Variants in LIPE observed in about 807,000 individuals in gnomAD.
LIPE encodes hormone-sensitive lipase.
LIPE carries 66 observed loss-of-function variants against 88.5 expected under a neutral mutation model. The observed-to-expected ratio is 0.75, with a 90% CI of 0.61 to 0.91. The LOEUF is 0.91. Among genes scored for constraint, LIPE ranks in the 40% least tolerant of loss-of-function variants. LIPE has a pLI of 0.00. For missense variants in LIPE, 1,346 were observed against 1,434.7 expected (o/e 0.94, Z 1.00); for synonymous variants, 570 against 617.5 (o/e 0.92, Z 1.14).
At position 42,405,398 on chromosome 19, in the gene LIPE, C is replaced by T. The variant is rs770762145; in HGVS notation, c.2529G>A (p.Ser843=). The T allele has an allele frequency of 4.3e-5, 70 of 1,613,110 alleles. No individual in the cohort carries two copies. The highest frequency in any genetic ancestry group is 5.7e-5 in the Non-Finnish European group (67 of 1,179,918). ...ELSGRKSQKM[S]EPIAEPMRRS... ...TGAATCACTCACCTGCTATGGGCTC[C>T]GACATCTTCTGGGACTTGCGCCCAC... The change falls in exon 8 of 10, where the codon TCG becomes TCA. Residue 843 remains serine (S), a synonymous_variant. Transcript: ENST00000244289.
chr19:42,402,499 C>T, intron 9 of LIPE, 108 bp downstream of exon 9: 1 of 1,009,854 alleles, frequency 9.9e-7, no homozygotes, highest in East Asian at 2.9e-5. Flanking sequence ...TCCCTTTCTC[C>T]CCACTCCGGA....
At chr19:42,418,659 A>G (rs1198541365) in intron 1 of LIPE, among the ~76,000 whole-genome samples, 1 of 152,010 alleles carries the variant, frequency 6.6e-6, no homozygotes, top group East Asian at 1.9e-4. Flanking sequence ...ACAGAAAAAA[A>G]AAAATTAAAA....
In LIPE at chr19:42,410,484, G is replaced by A. The variant is rs779525103; in HGVS notation, c.1242C>T (p.Ala414=). The A allele has an allele frequency of 1.2e-6, 2 of 1,613,976 alleles. No homozygotes were observed. The highest frequency in any genetic ancestry group is 8.5e-7 in the Non-Finnish European group (1 of 1,180,038). Residue 414 remains alanine (A), a synonymous_variant, in exon 2 of 10, where the codon GCC becomes GCT. Coordinates refer to ENST00000244289, the MANE Select transcript of LIPE (RefSeq NM_005357.4). The surrounding 1 kb of genome is among the most constrained non-coding windows in gnomAD (Gnocchi z 6.1). ...RTSHNLAELE[A]YLAALTQLRA... is the part of the protein sequence containing the mutation. Reference sequence around the variant, plus strand: ...GGAGCTGGGTGAGGGCAGCCAGGTAGGCCTCCAGCTCGGCCAGGTTGTGGC... The same window carrying A: ...GGAGCTGGGTGAGGGCAGCCAGGTAAGCCTCCAGCTCGGCCAGGTTGTGGC...
intron 1 of LIPE, among the ~76,000 whole-genome samples, chr19:42,422,009 ATC>A (rs1479433335): frequency 6.6e-6 from 1 of 152,168 alleles, no homozygotes; most frequent in Non-Finnish European, 1.5e-5. Context: ...GATTATTATG[ATC>A]TCTGTTACAG....
At chr19:42,425,440 T>A (rs35348759) in intron 1 of LIPE, among the ~76,000 whole-genome samples, 6,103 of 152,170 alleles carry the variant, frequency 0.04, 181 homozygotes, top group Non-Finnish European at 0.058. Context: ...AATCCTGACT[T>A]TGCCACTTCC....
chr19:42,407,072 G>A lies in LIPE; in HGVS notation c.2137+102C>T. On this transcript the variant is annotated intron_variant, in intron 6 of 9. Transcript: ENST00000244289. The surrounding 1 kb of genome is among the most constrained non-coding windows in gnomAD (Gnocchi z 5.8). The stretch of plus-strand genomic sequence containing the variant: ...GTGAGCAGGAGCTGGGAGGTGTGGG[G>A]GGAGAGAAAGGTAGAGGGTGTGAGG... The A allele has an allele frequency of 9.7e-7, 1 of 1,028,908 alleles. No individual in the cohort carries two copies. Among genetic ancestry groups the A allele is most frequent in the Non-Finnish European group, 1.4e-6 (1 of 728,724 alleles). 63.7% of individuals were successfully genotyped at this position (1,028,908 alleles called of 1,614,324 possible).
Position 42,410,398 on chromosome 19 carries a change from A to G in LIPE, c.1328T>C (p.Phe443Ser). The change falls in exon 2 of 10, where the codon TTT becomes TCT. Residue 443 changes from phenylalanine to serine, a missense_variant. By Grantham distance (155) the Phe-to-Ser change is radical (BLOSUM62 -2). Coordinates refer to ENST00000244289, the MANE Select transcript of LIPE (RefSeq NM_005357.4). The surrounding 1 kb of genome is among the most constrained non-coding windows in gnomAD (Gnocchi z 6.1). The stretch of plus-strand genomic sequence containing the variant: ...GGCGGTGAGCCCCTCGTCGCCCTCA[A>G]AGAAGAGTACCCCCGGCCGATTGGT... ...LVTNRPGVLF[F>S]EGDEGLTADF... The G allele has an allele frequency of 1.2e-6, 2 of 1,614,158 alleles. No individual in the cohort carries two copies. The highest frequency in any genetic ancestry group is 1.7e-6 in the Non-Finnish European group (2 of 1,180,016).
chr19:42,423,792 G>C (rs749569774), intron 1 of LIPE: 51 of 1,109,136 alleles, frequency 4.6e-5, no homozygotes, highest in Non-Finnish European at 5.7e-5. Context: ...GCAACCCCGG[G>C]GGTGGCGAAA....
At position 42,408,089 on chromosome 19, in the gene LIPE, G is replaced by A. The variant is rs756663650; in HGVS notation, c.1543C>T (p.Arg515Cys). The change falls in exon 4 of 10, where the codon CGC becomes TGC. Residue 515 changes from arginine to cysteine, a missense_variant. Arg to Cys is a radical substitution (Grantham distance 180). Coordinates refer to ENST00000244289, the MANE Select transcript of LIPE (RefSeq NM_005357.4). The surrounding 1 kb of genome is among the most constrained non-coding windows in gnomAD (Gnocchi z 4.3). ...CGCAGCTCGGGGTCGATGGCAAAGC[G>A]GCCGCTGGTGAAGAGAGAGCTGGCG... ...VAASSLFTSG[R>C]FAIDPELRGA... is the part of the protein sequence containing the mutation. 1.4e-5 allele frequency: 22 copies of A among 1,613,920 alleles called. No homozygotes were observed. The highest frequency in any genetic ancestry group is 2.7e-5 in the African/African-American group (2 of 75,028).
chr19:42,402,510 GCT>G (rs2040014274), intron 9 of LIPE, 95 bp downstream of exon 9: 1 of 1,110,896 alleles, frequency 9.0e-7, no homozygotes, highest in Non-Finnish European at 1.2e-6. Flanking sequence ...CCACTCCGGA[GCT>G]CTTTTTCCCA....
Position 42,410,763 on chromosome 19 carries a change from G to A in LIPE, c.963C>T (p.Phe321=), listed in dbSNP as rs903973728. ...TTTCCCCAGGACCCTGGCTCGAGAA[G>A]AAGGCTATGTTGTCCTCCGCCAGAG... ...LVTLAEDNIA[F]FSSQGPGETA... Residue 321 remains phenylalanine (F), a synonymous_variant, in exon 2 of 10, where the codon TTC becomes TTT. Transcript: ENST00000244289. The surrounding 1 kb of genome is among the most constrained non-coding windows in gnomAD (Gnocchi z 6.1). 5 of 1,612,792 alleles carry A rather than the reference G, an allele frequency of 3.1e-6. No homozygotes were observed. Among genetic ancestry groups the A allele is most frequent in the Non-Finnish European group, 4.2e-6 (5 of 1,179,174 alleles).
chr19:42,423,816 C>G, intron 1 of LIPE: 1 of 1,114,218 alleles, frequency 9.0e-7, no homozygotes, highest in Non-Finnish European at 1.1e-6. Flanking sequence ...GTCCTTCGGG[C>G]AGGACTAGTG....
intron 1 of LIPE, among the ~76,000 whole-genome samples, chr19:42,425,814 T>C (rs1036873239): frequency 1.3e-5 from 2 of 151,972 alleles, no homozygotes; most frequent in Non-Finnish European, 2.9e-5. Flanking sequence ...TGTTTTTTTC[T>C]TTTTTTGAGA....
At position 42,408,072 on chromosome 19, in the gene LIPE, G is replaced by A. The variant is rs763437290; in HGVS notation, c.1560C>T (p.Pro520=). 26 of 1,613,754 alleles carry A rather than the reference G, an allele frequency of 1.6e-5. No individual in the cohort carries two copies. The highest frequency in any genetic ancestry group is 6.7e-5 in the East Asian group (3 of 44,892). ...LFTSGRFAID[P]ELRGAEFERI... ...GCTCAAACTCAGCCCCACGCAGCTC[G>A]GGGTCGATGGCAAAGCGGCCGCTGG... The change falls in exon 4 of 10, where the codon CCC becomes CCT. Residue 520 remains proline, a synonymous_variant. Transcript: ENST00000244289. This position sits in a 1 kb window ranked among gnomAD's most constrained non-coding sequence, Gnocchi z 4.3.
Position 42,407,236 on chromosome 19 carries a change from G to T in LIPE, c.2075C>A (p.Pro692His). 6.3e-7 allele frequency: 1 copy of T among 1,582,824 alleles called. No homozygotes were observed. The highest frequency in any genetic ancestry group is 2.3e-5 in the East Asian group (1 of 43,476). The change falls in exon 6 of 10, where the codon CCC (proline) becomes CAC (histidine). Residue 692 changes from proline to histidine, a missense_variant. Pro to His is a moderately conservative substitution (Grantham distance 77). Transcript: ENST00000244289. This position sits in a 1 kb window ranked among gnomAD's most constrained non-coding sequence, Gnocchi z 5.8. Reference protein sequence around the residue: ...DYSLAPEAPFPRALEECFFAY... With the variant: ...DYSLAPEAPFHRALEECFFAY... The stretch of plus-strand genomic sequence containing the variant: ...GAAGAAGCACTCCTCCAGCGCACGG[G>T]GGAAGGGGGCCTCAGGGGCCAGGGA...
In LIPE at chr19:42,414,211, T is replaced by C. The variant is rs981903177; in HGVS notation, c.884-3369A>G. 2.6e-5 allele frequency among the ~76,000 whole-genome samples: 4 copies of C among 151,348 alleles called. No homozygotes were observed. Among genetic ancestry groups the C allele is most frequent in the Non-Finnish European group, 4.4e-5 (3 of 67,922 alleles). ...ATCACTTGAACCCAGGAGGCAGAGG[T>C]TGCAGTGAGCTGAGATCACGCCACT... On this transcript the variant is annotated intron_variant, in intron 1 of 9. Transcript: ENST00000244289. The surrounding 1 kb of genome is among the most constrained non-coding windows in gnomAD (Gnocchi z 4.6).
chr19:42,408,325 G>A lies in LIPE; in HGVS notation c.1420-3C>T. ...AATGGCCGGATGGCAGGCGTGAACT[G>A]TGGAGAGACGCGGCTGCGTCACCCA... On this transcript the variant is annotated splice_region_variant and splice_polypyrimidine_tract_variant and intron_variant, in intron 2 of 9. Coordinates refer to ENST00000244289, the MANE Select transcript of LIPE (RefSeq NM_005357.4). This position sits in a 1 kb window ranked among gnomAD's most constrained non-coding sequence, Gnocchi z 4.3. The A allele has an allele frequency of 6.2e-7, 1 of 1,613,406 alleles. No individual in the cohort carries two copies.
In LIPE at chr19:42,405,387, G is replaced by A. The variant is rs1198120841; in HGVS notation, c.2540C>T (p.Ala847Val). The change falls in exon 8 of 10, where the codon GCA becomes GTA. Residue 847 changes from alanine (A) to valine (V), a missense_variant and splice_region_variant. Coordinates refer to ENST00000244289, the MANE Select transcript of LIPE (RefSeq NM_005357.4). Reference protein sequence around the residue: ...RKSQKMSEPIAEPMRRSVSEA... With the variant: ...RKSQKMSEPIVEPMRRSVSEA... Reference sequence around the variant, plus strand: ...TGTGACGGGAGTGAATCACTCACCTGCTATGGGCTCCGACATCTTCTGGGA... The same window carrying A: ...TGTGACGGGAGTGAATCACTCACCTACTATGGGCTCCGACATCTTCTGGGA... 2 of 1,612,612 alleles carry A rather than the reference G, an allele frequency of 1.2e-6. No individual in the cohort carries two copies. The highest frequency in any genetic ancestry group is 1.7e-6 in the Non-Finnish European group (2 of 1,179,802).
Position 42,407,579 on chromosome 19 carries a change from T to TG in LIPE, c.1842+26dup. The TG allele has an allele frequency of 6.3e-7, 1 of 1,591,540 alleles. No homozygotes were observed. On this transcript the variant is annotated intron_variant, in intron 5 of 9. Transcript: ENST00000244289. This position sits in a 1 kb window ranked among gnomAD's most constrained non-coding sequence, Gnocchi z 5.8. ...TGCCCACGCTCCTCGGCTCTGTCCC[T>TG]GTCCCTGGCTGAGGCTGGAACCCTA...
Sources: gnomAD v4.1 joint callset for allele counts (sites outside exome capture counted in the v4.1 genomes callset) on GRCh38, gnomAD v4.1.1 for gene constraint, Gnocchi (gnomAD v3.1) non-coding constraint, MANE v1.5 for transcripts, NCBI Gene and HGNC (gene_info 2026-07-23, HGNC 2026-07-21) for gene names.